The following ARHGEF9 variants were observed in gnomAD, a reference collection of about 807,000 sequenced individuals.
ARHGEF9 encodes Cdc42 guanine nucleotide exchange factor 9.
Under a neutral mutation model 41.3 loss-of-function variants are expected in ARHGEF9, and 2 were observed. The observed-to-expected ratio is 0.05, with a 90% confidence interval of 0.02 to 0.15. The LOEUF (loss-of-function observed/expected upper bound fraction) is 0.15, where lower values mean the gene tolerates loss of function less well. Among genes scored for constraint, ARHGEF9 ranks in the 10% least tolerant of loss-of-function variants. The probability of loss-of-function intolerance (pLI) is 1.00; values close to 1 mark genes in which losing one functional copy is unlikely to be tolerated. For missense variants in ARHGEF9, 225 were observed against 424.7 expected, an observed-to-expected ratio of 0.53 and a Z score of 4.13; for synonymous variants, 160 against 154.4, an observed-to-expected ratio of 1.04 and a Z score of -0.27.
intron 2 of ARHGEF9, among the ~76,000 whole-genome samples, chrX:63,724,208 T>C (rs782746639): frequency 1.8e-5 from 2 of 109,999 alleles, no homozygotes; most frequent in African/African-American, 3.3e-5. Context: ...CACAGCAATA[T>C]AGGGTTAAAA....
intron 7 of ARHGEF9, among the ~76,000 whole-genome samples, chrX:63,659,896 C>A (rs1159053282): frequency 9.0e-6 from 1 of 111,678 alleles, no homozygotes; most frequent in Non-Finnish European, 1.9e-5. Flanking sequence ...AGACATAGAG[C>A]AGCTAAGAAG....
At chrX:63,653,291 C>G (rs2048670723) in intron 8 of ARHGEF9, among the ~76,000 whole-genome samples, 1 of 111,636 alleles carries the variant, frequency 9.0e-6, no homozygotes, top group Admixed American at 9.6e-5. Flanking sequence ...TCATGAGCTT[C>G]TCTTCCTGAC....
At chrX:63,720,225 T>C (rs1171891073) in intron 2 of ARHGEF9, among the ~76,000 whole-genome samples, 3 of 112,058 alleles carry the variant, frequency 2.7e-5, no homozygotes, top group African/African-American at 6.5e-5. Flanking sequence ...AAAGTAGTAT[T>C]GTTTGTTTCT....
intron 2 of ARHGEF9, among the ~76,000 whole-genome samples, chrX:63,721,400 T>C (rs1428812985): frequency 9.0e-6 from 1 of 110,707 alleles, no homozygotes; most frequent in Non-Finnish European, 1.9e-5. Context: ...TATATCCAGC[T>C]CCTGATGACA....
chrX:63,712,519 A>C (rs1464446418), intron 2 of ARHGEF9, among the ~76,000 whole-genome samples: 1 of 111,733 alleles, frequency 8.9e-6, no homozygotes, highest in African/African-American at 3.3e-5. Flanking sequence ...TGATATGTTA[A>C]TCATTCCACA....
At chrX:63,698,269 T>G (rs2051916688) in intron 3 of ARHGEF9, among the ~76,000 whole-genome samples, 1 of 109,400 alleles carries the variant, frequency 9.1e-6, no homozygotes, top group South Asian at 3.8e-4. Context: ...TAACCACTGA[T>G]GAAAGAGAAA....
intron 7 of ARHGEF9, among the ~76,000 whole-genome samples, chrX:63,661,067 T>C (rs2049181091): frequency 1.8e-5 from 2 of 111,951 alleles, no homozygotes; most frequent in African/African-American, 6.5e-5. Context: ...AACTGGCCAA[T>C]GGTTAGAAAA....
intron 1 of ARHGEF9, among the ~76,000 whole-genome samples, chrX:63,747,799 T>A (rs782648610): frequency 8.9e-6 from 1 of 112,376 alleles, no homozygotes; most frequent in East Asian, 2.8e-4. Context: ...GAGCACAAAA[T>A]ATATTCTGTT....
At chrX:63,735,906 A>C (rs1221723219) in intron 1 of ARHGEF9, among the ~76,000 whole-genome samples, 2 of 111,954 alleles carry the variant, frequency 1.8e-5, no homozygotes, top group Non-Finnish European at 3.8e-5. Context: ...CCCTCTACCT[A>C]TTGGCTCACT....
At chrX:63,735,390 G>A (rs1556422176) in intron 1 of ARHGEF9, among the ~76,000 whole-genome samples, 1 of 111,380 alleles carries the variant, frequency 9.0e-6, no homozygotes, top group Non-Finnish European at 1.9e-5. Flanking sequence ...AGAAGAATCT[G>A]TCCTCCATGA....
intron 6 of ARHGEF9, among the ~76,000 whole-genome samples, chrX:63,667,024 T>C (rs1297882465): frequency 1.8e-5 from 2 of 111,664 alleles, no homozygotes; most frequent in Non-Finnish European, 3.8e-5. Flanking sequence ...TCAAAACTCA[T>C]GAAACACAAG....
chrX:63,760,749 C>T (rs2056020798), intron 1 of ARHGEF9, among the ~76,000 whole-genome samples: 1 of 111,741 alleles, frequency 8.9e-6, no homozygotes, highest in African/African-American at 3.3e-5. Context: ...TTTGGGCCCA[C>T]ATGGTGCTAG....
chrX:63,704,931 T>C (rs2045092241), intron 3 of ARHGEF9, among the ~76,000 whole-genome samples: 1 of 111,947 alleles, frequency 8.9e-6, no homozygotes, highest in Admixed American at 9.4e-5. Context: ...TGAGTTGAGA[T>C]AAAGAAAGTT....
At chrX:63,727,528 C>T (rs1826132685) in intron 1 of ARHGEF9, 1 of 111,838 alleles carries the variant, frequency 8.9e-6, no homozygotes, top group African/African-American at 3.3e-5. Flanking sequence ...CACCTTCATG[C>T]CCTCATTTTA....
intron 4 of ARHGEF9, among the ~76,000 whole-genome samples, chrX:63,686,061 G>T (rs1229057440): frequency 9.0e-6 from 1 of 111,588 alleles, no homozygotes; most frequent in Admixed American, 9.5e-5. Flanking sequence ...AGGAATACTG[G>T]CACTTGCATA....
At chrX:63,704,151 C>T (rs1406672217) in intron 3 of ARHGEF9, among the ~76,000 whole-genome samples, 4 of 111,773 alleles carry the variant, frequency 3.6e-5, no homozygotes, top group Admixed American at 2.8e-4. Context: ...TATGACCTGA[C>T]TTAGATCTTG....
chrX:63,748,880 C>G (rs1186011432), intron 1 of ARHGEF9, among the ~76,000 whole-genome samples: 2 of 111,860 alleles, frequency 1.8e-5, no homozygotes, highest in African/African-American at 6.5e-5. Flanking sequence ...TCAGGTGGCA[C>G]CTAGAGTAGC....
At chrX:63,769,708 G>A (rs1171435331) in intron 1 of ARHGEF9, among the ~76,000 whole-genome samples, 2 of 112,325 alleles carry the variant, frequency 1.8e-5, no homozygotes, top group Admixed American at 9.4e-5. Context: ...AATAAAAGGG[G>A]CCAAGGTACA....
chrX:63,718,827 G>A (rs2053477408), intron 2 of ARHGEF9, among the ~76,000 whole-genome samples: 2 of 111,557 alleles, frequency 1.8e-5, no homozygotes, highest in Non-Finnish European at 3.8e-5. Context: ...GTCCTGCCTG[G>A]AGGCTGAGGG....
Sources: gnomAD v4.1 joint callset for allele counts (sites outside exome capture counted in the v4.1 genomes callset) on GRCh38, gnomAD v4.1.1 for gene constraint, MANE v1.5 for transcripts, NCBI Gene and HGNC (gene_info 2026-07-23, HGNC 2026-07-21) for gene names.